CFAP69: variants seen among roughly 807,000 people sequenced by gnomAD.
The protein encoded by CFAP69 is cilia and flagella associated protein 69.
Under a neutral mutation model 123.0 loss-of-function variants are expected in CFAP69, and 92 were observed. The observed-to-expected ratio is 0.75, with a 90% CI of 0.63 to 0.89. The LOEUF (loss-of-function observed/expected upper bound fraction) is 0.89. Ranked by LOEUF, CFAP69 falls within the 40% of genes least tolerant of loss-of-function variation. The pLI is 0.00. For missense variants in CFAP69, 1,067 were observed against 1,096.9 expected (o/e 0.97, Z 0.39); for synonymous variants, 380 against 364.3 (o/e 1.04, Z -0.49).
chr7:90,273,355 G>A (rs1053524228), intron 8 of CFAP69, among the ~76,000 whole-genome samples: 3 of 152,160 alleles, frequency 2.0e-5, no homozygotes, highest in Non-Finnish European at 2.9e-5. Flanking sequence ...TAAGGAGGTA[G>A]GACTTAATCC....
In CFAP69 at chr7:90,303,987, T is replaced by C. The variant is rs769290482; in HGVS notation, c.2069T>C (p.Phe690Ser). The C allele has an allele frequency of 3.9e-6, 6 of 1,550,160 alleles. No homozygotes were observed. In the South Asian group the frequency reaches 7.2e-5, roughly 18 times the overall value. ...TGATTAGATACAAAAAAACCTCTAT[T>C]TACTAGCTTTCAAGAAGAGCAAAAA... The part of the protein sequence containing the change: ...GKIIDTKKPL[F>S]TSFQEEQKII... The change falls in exon 18 of 23, where the codon TTT (phenylalanine) becomes TCT (serine). Residue 690 changes from phenylalanine to serine, a missense_variant. By Grantham distance (155) the Phe-to-Ser change is radical (BLOSUM62 -2). Transcript: ENST00000389297.
In CFAP69 at chr7:90,300,777, A is replaced by C. The variant is rs576247640; in HGVS notation, c.2050+718A>C. 7 of 153,834 alleles carry C rather than the reference A, an allele frequency of 4.6e-5. No individual in the cohort carries two copies. The East Asian group carries it at 1.4e-3, about 30-fold the overall frequency. 9.5% of individuals were successfully genotyped at this position (153,834 alleles called of 1,614,324 possible). On this transcript the variant is annotated intron_variant, in intron 17 of 22. Coordinates refer to ENST00000389297, the MANE Select transcript of CFAP69 (RefSeq NM_001039706.3). Reference sequence around the variant, plus strand: ...GCGATTTTCCTGCCTTAGCCTCCCAAGTAGCTGGGACTACAGGCATGCACT... The same window carrying C: ...GCGATTTTCCTGCCTTAGCCTCCCACGTAGCTGGGACTACAGGCATGCACT...
chr7:90,306,211 C>T (rs17866356), intron 19 of CFAP69, among the ~76,000 whole-genome samples: 8,085 of 151,970 alleles, frequency 0.053, 273 homozygotes, highest in Non-Finnish European at 0.077. Flanking sequence ...TCCATTCAGC[C>T]CAAAGATGAA....
the CFAP69 span, chr7:90,316,882 C>T: frequency 6.6e-6 from 1 of 152,164 alleles, no homozygotes; most frequent in Non-Finnish European, 1.5e-5. Context: ...GTCATGACAA[C>T]TATGAGTGAT....
chr7:90,304,818 AAAGT>A lies in CFAP69; in HGVS notation c.2265+4_2265+7del, dbSNP rs761812520. On this transcript the variant is annotated splice_donor_variant and coding_sequence_variant, in exon 19 of 23. Transcript: ENST00000389297. LOFTEE classifies it high-confidence loss of function. Reference sequence around the variant, plus strand: ...TATCATACATAGATATCTTGATTTTAAAGTAAGTATCTTTTTAATAACCTGATTA... The same window carrying A: ...TATCATACATAGATATCTTGATTTTAAAGTATCTTTTTAATAACCTGATTA... The A allele has an allele frequency of 8.9e-6, 13 of 1,454,468 alleles. No homozygotes were observed. Among genetic ancestry groups the A allele is most frequent in the Non-Finnish European group, 1.2e-5 (13 of 1,049,072 alleles). The allele number at this position is 1,454,468 out of a possible 1,614,324, so 90.1% of individuals were successfully genotyped here. A position where few individuals can be genotyped will look rare whatever the true frequency, so the allele number is the denominator to read the frequency against.
Position 90,265,317 on chromosome 7 carries a change from A to C in CFAP69, c.373A>C (p.Lys125Gln). 1 of 1,610,280 alleles carries C rather than the reference A, an allele frequency of 6.2e-7. No homozygotes were observed. The highest frequency in any genetic ancestry group is 8.5e-7 in the Non-Finnish European group (1 of 1,177,760). The change falls in exon 5 of 23, where the codon AAG (lysine) becomes CAG (glutamine). Residue 125 changes from lysine (K) to glutamine (Q), a missense_variant. Transcript: ENST00000389297. ...TTATTGAAGCTTGCCATTTTTGAAA[A>C]AGAAAGTGTCGGATGAAATAACTTA... The part of the protein sequence containing the change: ...IKLCGLPFLK[K>Q]KVSDEITYAE...
chr7:90,288,091 A>T, intron 14 of CFAP69, 143 bp from the exon 15 acceptor site: 1 of 579,150 alleles, frequency 1.7e-6, no homozygotes, highest in Non-Finnish European at 2.9e-6. Flanking sequence ...ACGGTTTTTT[A>T]AATTGCAGTA....
chr7:90,276,309 C>T (rs565524121), intron 9 of CFAP69, among the ~76,000 whole-genome samples: 11 of 152,250 alleles, frequency 7.2e-5, no homozygotes, highest in African/African-American at 1.7e-4. Context: ...ATAGGTAGAC[C>T]TTTGTTTCTC....
At chr7:90,320,921 C>T in the CFAP69 span, 2 of 152,290 alleles carry the variant, frequency 1.3e-5, no homozygotes, top group Non-Finnish European at 2.9e-5. Context: ...GGTCAGGTCA[C>T]CTGGGCGCAG....
intron 9 of CFAP69, among the ~76,000 whole-genome samples, chr7:90,275,707 T>C (rs1788507446): frequency 7.2e-6 from 1 of 139,472 alleles, no homozygotes; most frequent in Non-Finnish European, 1.5e-5. Context: ...GTTTGCGCCA[T>C]TCTCCTGCCT....
chr7:90,297,660 C>G (rs759393225), intron 15 of CFAP69, 89 bp from the exon 16 acceptor site: 3 of 790,120 alleles, frequency 3.8e-6, no homozygotes, highest in Non-Finnish European at 6.0e-6. Context: ...AAAACATATT[C>G]TTTGAAAATG....
chr7:90,259,487 T>C (rs1482860443), intron 3 of CFAP69, among the ~76,000 whole-genome samples: 1 of 152,084 alleles, frequency 6.6e-6, no homozygotes, highest in African/African-American at 2.4e-5. Context: ...TTTGTTTGTT[T>C]GTTTGTTTGT....
intron 1 of CFAP69, among the ~76,000 whole-genome samples, chr7:90,250,227 AGAGAGAGAC>A (rs1414755172): frequency 1.2e-3 from 140 of 117,612 alleles, no homozygotes; most frequent in African/African-American, 4.3e-3. Context: ...AGAGAGAGAG[AGAGAGAGAC>A]TCCTTGGTTG....
In CFAP69 at chr7:90,295,125, C is replaced by A. The variant is rs75158827; in HGVS notation, c.1776-2624C>A. ...CAATCCTACATGCGCCTAATCCTCT[C>A]ACCCATAACCATAAGCAAAAAGTGC... On this transcript the variant is annotated intron_variant, in intron 15 of 22. Coordinates refer to ENST00000389297, the MANE Select transcript of CFAP69 (RefSeq NM_001039706.3). Among the ~76,000 whole-genome samples the A allele has an allele frequency of 3.9e-3, 590 of 152,308 alleles. 3 individuals carry two copies. The highest frequency in any genetic ancestry group is 0.013 in the African/African-American group (559 of 41,568).
At chr7:90,246,572 G>A (rs1398151652) in intron 1 of CFAP69, among the ~76,000 whole-genome samples, 1 of 152,222 alleles carries the variant, frequency 6.6e-6, no homozygotes, top group African/African-American at 2.4e-5. Flanking sequence ...TGCATGAGGA[G>A]AAATAGGTGT....
intron 1 of CFAP69, among the ~76,000 whole-genome samples, chr7:90,248,946 G>A (rs1370608135): frequency 6.6e-6 from 1 of 152,176 alleles, no homozygotes; most frequent in Non-Finnish European, 1.5e-5. Flanking sequence ...AAGGCATTTA[G>A]CACAGTGCCC....
chr7:90,256,475 A>G lies in CFAP69; in HGVS notation c.180+993A>G, dbSNP rs1003243081. ...CAAACCACATGGCACGTGTATACCT[A>G]TGTAACAAACCTTCACATTCTGCAT... On this transcript the variant is annotated intron_variant, in intron 2 of 22. Transcript: ENST00000389297. Among the ~76,000 whole-genome samples, 5 of 152,104 alleles carry G rather than the reference A, an allele frequency of 3.3e-5. No individual in the cohort carries two copies. The East Asian group carries it at 7.7e-4, about 24-fold the overall frequency.
chr7:90,258,227 A>C (rs2116686870), intron 3 of CFAP69, 64 bp downstream of exon 3: 1 of 1,196,722 alleles, frequency 8.4e-7, no homozygotes, highest in Non-Finnish European at 1.2e-6. Flanking sequence ...TCTTTTAGAA[A>C]ATGTGTTAGT....
intron 12 of CFAP69, 121 bp from the exon 13 acceptor site, chr7:90,282,771 A>C: frequency 1.3e-6 from 1 of 756,856 alleles, no homozygotes; most frequent in Non-Finnish European, 1.9e-6. Context: ...CTAAAAAAAA[A>C]CTAAAGCAAA....
Sources: allele counts gnomAD v4.1 joint callset (sites outside exome capture counted in the v4.1 genomes callset), GRCh38; gene constraint gnomAD v4.1.1; transcripts MANE v1.5; gene names NCBI Gene and HGNC (gene_info 2026-07-23, HGNC 2026-07-21).